WWOX: variants seen among roughly 807,000 people sequenced by gnomAD.
WWOX encodes WW domain-containing oxidoreductase.
A neutral mutation model predicts 46.2 loss-of-function variants in WWOX; 69 were observed. The ratio of observed to expected loss-of-function variants is 1.49; its 90% confidence interval spans 1.23 to 1.82. The LOEUF (loss-of-function observed/expected upper bound fraction) is 1.82, where lower values mean the gene tolerates loss of function less well. Ranked by LOEUF, WWOX falls within the 40% of genes most tolerant of loss-of-function variation. WWOX has a pLI of 0.00. For synonymous variants in WWOX, 359 were observed against 202.6 expected (o/e 1.77, Z -6.56); for missense variants, 919 against 542.6 (o/e 1.69, Z -6.89).
intron 8 of WWOX, among the ~76,000 whole-genome samples, chr16:78,546,641 C>A (rs2044039630): frequency 6.6e-6 from 1 of 152,102 alleles, no homozygotes; most frequent in African/African-American, 2.4e-5. Flanking sequence ...AGTCCCACTC[C>A]CTAAAGATTC....
At chr16:78,273,398 T>G (rs935891754) in intron 5 of WWOX, among the ~76,000 whole-genome samples, 1 of 152,178 alleles carries the variant, frequency 6.6e-6, no homozygotes, top group Non-Finnish European at 1.5e-5. Context: ...TGACCATAAG[T>G]ATGCTTCTGT....
At position 78,099,858 on chromosome 16, in the gene WWOX, C is replaced by T; in HGVS notation, c.80C>T (p.Thr27Ile). 1 of 1,577,986 alleles carries T rather than the reference C, an allele frequency of 6.3e-7. No individual in the cohort carries two copies. The highest frequency in any genetic ancestry group is 8.6e-7 in the Non-Finnish European group (1 of 1,162,716). Residue 27 changes from threonine to isoleucine, a missense_variant, in exon 1 of 9, where the codon ACC becomes ATC. Coordinates refer to ENST00000566780, the MANE Select transcript of WWOX (RefSeq NM_016373.4). Reference sequence around the variant, plus strand: ...CCTCCGGGCTGGGAGGAGAGAACCACCAAGGACGGCTGGGTTTACTACGCC... The same window carrying T: ...CCTCCGGGCTGGGAGGAGAGAACCATCAAGGACGGCTGGGTTTACTACGCC... Reference protein sequence around the residue: ...ELPPGWEERTTKDGWVYYANH... With the variant: ...ELPPGWEERTIKDGWVYYANH...
intron 8 of WWOX, among the ~76,000 whole-genome samples, chr16:79,052,173 A>C (rs530606462): frequency 6.6e-6 from 1 of 151,762 alleles, no homozygotes; most frequent in East Asian, 1.9e-4. Flanking sequence ...ATATCTCCCA[A>C]TGCTATCCCT....
intron 5 of WWOX, among the ~76,000 whole-genome samples, chr16:78,323,691 C>T (rs2080542413): frequency 6.6e-6 from 1 of 152,316 alleles, no homozygotes; most frequent in African/African-American, 2.4e-5. Flanking sequence ...CCCATCTCCT[C>T]TTCCTCTTTG....
intron 5 of WWOX, among the ~76,000 whole-genome samples, chr16:78,259,174 C>T (rs998453433): frequency 6.6e-6 from 1 of 152,130 alleles, no homozygotes; most frequent in African/African-American, 2.4e-5. Flanking sequence ...GCAGCTCTTT[C>T]AAATCACCAA....
At chr16:78,169,228 T>C (rs2035070033) in intron 5 of WWOX, among the ~76,000 whole-genome samples, 1 of 152,172 alleles carries the variant, frequency 6.6e-6, no homozygotes, top group Non-Finnish European at 1.5e-5. Context: ...CCAGTGTGGC[T>C]GGTGGAATAA....
At chr16:78,212,342 T>C (rs762631716) in intron 5 of WWOX, among the ~76,000 whole-genome samples, 1 of 152,190 alleles carries the variant, frequency 6.6e-6, no homozygotes, top group Non-Finnish European at 1.5e-5. Context: ...CGAAAGCAAG[T>C]CAATGGCCAT....
chr16:79,036,326 C>G (rs959415005), intron 8 of WWOX, among the ~76,000 whole-genome samples: 2 of 152,220 alleles, frequency 1.3e-5, no homozygotes, highest in African/African-American at 4.8e-5. Context: ...AAATCGAAAA[C>G]TCATCACTCT....
chr16:78,914,573 C>T (rs2045197596), intron 8 of WWOX, among the ~76,000 whole-genome samples: 1 of 151,808 alleles, frequency 6.6e-6, no homozygotes, highest in Non-Finnish European at 1.5e-5. Context: ...AACTTTTAGG[C>T]ACTGTGAGTA....
intron 8 of WWOX, among the ~76,000 whole-genome samples, chr16:78,676,122 C>T (rs1270514006): frequency 6.6e-6 from 1 of 151,666 alleles, no homozygotes; most frequent in Non-Finnish European, 1.5e-5. Flanking sequence ...GACAACCAGA[C>T]AACCAGACTG....
chr16:79,108,843 G>A lies in WWOX; in HGVS notation c.1057-102765G>A, dbSNP rs185933794. Among the ~76,000 whole-genome samples, 192 of 152,132 alleles carry A rather than the reference G, an allele frequency of 1.3e-3. 1 individual carries two copies. The highest frequency in any genetic ancestry group is 4.2e-3 in the African/African-American group (175 of 41,508). On this transcript the variant is annotated intron_variant, in intron 8 of 8. Transcript: ENST00000566780. The stretch of plus-strand genomic sequence containing the variant: ...TTGAGTCCTGGAGGTCGAGACTGCA[G>A]TGAGCCATGATCATGCCGCTGCACT...
At chr16:78,786,363 G>T (rs1364989866) in intron 8 of WWOX, among the ~76,000 whole-genome samples, 3 of 152,320 alleles carry the variant, frequency 2.0e-5, no homozygotes, top group South Asian at 4.1e-4. Flanking sequence ...TGAAAGTGGA[G>T]TTGGGGAACA....
At chr16:78,690,042 G>T (rs1330226666) in intron 8 of WWOX, among the ~76,000 whole-genome samples, 1 of 151,888 alleles carries the variant, frequency 6.6e-6, no homozygotes, top group Non-Finnish European at 1.5e-5. Flanking sequence ...TGTATTTTTA[G>T]TAGAGATGCG....
intron 8 of WWOX, among the ~76,000 whole-genome samples, chr16:78,757,601 C>T (rs1005540364): frequency 8.6e-5 from 13 of 151,864 alleles, no homozygotes; most frequent in South Asian, 6.2e-4. Flanking sequence ...TTTTGAAAGA[C>T]GTATGTAAAA....
intron 8 of WWOX, chr16:78,503,724 C>G (rs569463173): frequency 2.0e-5 from 3 of 152,260 alleles, no homozygotes; most frequent in Admixed American, 6.5e-5. Flanking sequence ...AGTTAAAGAG[C>G]CTGTGTTCTA....
At chr16:78,835,801 A>C (rs1427731961) in intron 8 of WWOX, among the ~76,000 whole-genome samples, 3 of 152,254 alleles carry the variant, frequency 2.0e-5, no homozygotes, top group African/African-American at 7.2e-5. Context: ...AGACATCTAG[A>C]AAAATGTCTT....
chr16:78,547,830 C>T (rs1240189930), intron 8 of WWOX, among the ~76,000 whole-genome samples: 2 of 152,060 alleles, frequency 1.3e-5, no homozygotes. Context: ...AAAGGCCCTA[C>T]CTCCTAATAT....
intron 8 of WWOX, among the ~76,000 whole-genome samples, chr16:79,155,893 T>A (rs1219652072): frequency 6.8e-6 from 1 of 147,580 alleles, no homozygotes; most frequent in African/African-American, 2.7e-5. Flanking sequence ...GGAATTCCAG[T>A]TGTTTTTTTT....
chr16:78,421,188 C>T (rs2082919799), intron 6 of WWOX, among the ~76,000 whole-genome samples: 1 of 152,174 alleles, frequency 6.6e-6, no homozygotes. Context: ...TGGAGTGCCT[C>T]AAAACAACAG....
Sources: allele counts gnomAD v4.1 joint callset (sites outside exome capture counted in the v4.1 genomes callset), GRCh38; gene constraint gnomAD v4.1.1; transcripts MANE v1.5; gene names NCBI Gene and HGNC (gene_info 2026-07-23, HGNC 2026-07-21).